The following BLZF1 variants were observed in gnomAD, a reference collection of about 807,000 sequenced individuals.
BLZF1 encodes the protein golgin-45.
BLZF1 carries 39 observed loss-of-function variants against 43.8 expected under a neutral mutation model. The ratio of observed to expected loss-of-function variants is 0.89; its 90% CI spans 0.69 to 1.16. The LOEUF (loss-of-function observed/expected upper bound fraction) is 1.16, where lower values mean the gene tolerates loss of function less well. Ranked by LOEUF, BLZF1 falls within the 50% of genes most tolerant of loss-of-function variation. BLZF1 has a pLI of 0.00. For synonymous variants in BLZF1, 136 were observed against 159.4 expected, an observed-to-expected ratio of 0.85 and a Z score of 1.11; for missense variants, 449 against 469.8, an observed-to-expected ratio of 0.96 and a Z score of 0.41.
chr1:169,382,040 T>C (rs1654541357), intron 5 of BLZF1, 22 bp from the exon 6 acceptor site: 2 of 1,576,788 alleles, frequency 1.3e-6, no homozygotes, highest in Admixed American at 1.8e-5. Flanking sequence ...CTATGTCCGG[T>C]GTTCATGTGT....
intron 2 of BLZF1, 107 bp from the exon 3 acceptor site, chr1:169,376,433 C>A: frequency 2.2e-6 from 2 of 891,622 alleles, no homozygotes; most frequent in Admixed American, 3.7e-5. Flanking sequence ...TTTTTTTTTG[C>A]ATTCTTTTTA....
chr1:169,392,899 C>G (rs991476447), downstream of BLZF1, among the ~76,000 whole-genome samples: 3 of 152,140 alleles, frequency 2.0e-5, no homozygotes, highest in Non-Finnish European at 4.4e-5. Flanking sequence ...TCCTCCATAC[C>G]TTGCCCCACG....
chr1:169,391,439 C>T (rs962391391), downstream of BLZF1, among the ~76,000 whole-genome samples: 8 of 152,186 alleles, frequency 5.3e-5, no homozygotes, highest in Non-Finnish European at 1.2e-4. Context: ...GAATGCAGCA[C>T]CATTCCAGTC....
At chr1:169,391,841 TC>T (rs1351586242), downstream of BLZF1, among the ~76,000 whole-genome samples, 1 of 152,196 alleles carries the variant, frequency 6.6e-6, no homozygotes, top group Non-Finnish European at 1.5e-5. Flanking sequence ...TTTGGGGAGT[TC>T]CTTCAGACCC....
chr1:169,387,214 T>C lies in BLZF1; in HGVS notation c.*32T>C, dbSNP rs1654703264. ...ATATGTTGGAGGCATGCTAAGGTAC[T>C]TCCTTATTACCCAAGAGTCATTATT... On this transcript the variant is annotated 3_prime_UTR_variant, in exon 7 of 7. Transcript: ENST00000367808. 1 of 1,585,612 alleles carries C rather than the reference T, an allele frequency of 6.3e-7. No homozygotes were observed. The highest frequency in any genetic ancestry group is 8.6e-7 in the Non-Finnish European group (1 of 1,163,792).
Position 169,380,497 on chromosome 1 carries a change from T to G in BLZF1, c.685T>G (p.Leu229Val). The change falls in exon 5 of 7, where the codon TTA (leucine) becomes GTA (valine). Residue 229 changes from leucine to valine, a missense_variant. Transcript: ENST00000367808. ...FLASRVMADE[L>V]TNSRAALQRQ... ...CTTTTTCAGGGTAATGGCAGATGAG[T>G]TAACCAACTCAAGAGCAGCTTTACA... 1 of 1,611,982 alleles carries G rather than the reference T, an allele frequency of 6.2e-7. No homozygotes were observed. Among genetic ancestry groups the G allele is most frequent in the Non-Finnish European group, 8.5e-7 (1 of 1,178,524 alleles).
intron 2 of BLZF1, among the ~76,000 whole-genome samples, chr1:169,374,560 A>T (rs995801893): frequency 6.6e-6 from 1 of 152,192 alleles, no homozygotes; most frequent in African/African-American, 2.4e-5. Flanking sequence ...ATGTTTTGTA[A>T]AATAGAACAC....
chr1:169,385,452 T>G (rs1256126049), intron 6 of BLZF1, among the ~76,000 whole-genome samples: 1 of 152,192 alleles, frequency 6.6e-6, no homozygotes, highest in East Asian at 1.9e-4. Context: ...TCCTTCCCCA[T>G]CACTTTCAGG....
chr1:169,390,365 AAAAC>A (rs1654788583), downstream of BLZF1, among the ~76,000 whole-genome samples: 1 of 152,186 alleles, frequency 6.6e-6, no homozygotes. Flanking sequence ...AGAGAATAGA[AAAAC>A]AAGAGAGATC....
At chr1:169,392,178 G>A (rs532448531), downstream of BLZF1, among the ~76,000 whole-genome samples, 3 of 152,268 alleles carry the variant, frequency 2.0e-5, no homozygotes, top group South Asian at 6.2e-4. Context: ...ACCCAAAGCA[G>A]TCTACAGATT....
At chr1:169,394,431 A>C (rs1654903259) in intron 7 of BLZF1, among the ~76,000 whole-genome samples, 1 of 152,146 alleles carries the variant, frequency 6.6e-6, no homozygotes, top group Non-Finnish European at 1.5e-5. Flanking sequence ...TCACCCAGGT[A>C]AAGAACATAG....
chr1:169,387,947 A>C lies in BLZF1; in HGVS notation c.*765A>C, dbSNP rs1460008020. 1 of 152,216 alleles carries C rather than the reference A, an allele frequency of 6.6e-6. No individual in the cohort carries two copies. The highest frequency in any genetic ancestry group is 1.5e-5 in the Non-Finnish European group (1 of 68,026). The allele number at this position is 152,216 out of a possible 1,614,324, so 9.4% of individuals were successfully genotyped here. A position where few individuals can be genotyped will look rare whatever the true frequency, so the allele number is the denominator to read the frequency against. On this transcript the variant is annotated 3_prime_UTR_variant, in exon 7 of 7. Coordinates refer to ENST00000367808, the MANE Select transcript of BLZF1 (RefSeq NM_001320973.2). The stretch of plus-strand genomic sequence containing the variant: ...AACAGATTCTTAACTATTGACTCTT[A>C]TTTAGCAAATGCAACAGACAAGAAT...
In BLZF1 at chr1:169,378,547, T is replaced by C. The variant is rs1654436091; in HGVS notation, c.668+18T>C. On this transcript the variant is annotated intron_variant, in intron 4 of 6. Transcript: ENST00000367808. Reference sequence around the variant, plus strand: ...GCAAGCAGGTATTTTCTACAGCAAATAGTATTTCACTTCCTAGTTTTTGCT... The same window carrying C: ...GCAAGCAGGTATTTTCTACAGCAAACAGTATTTCACTTCCTAGTTTTTGCT... 6.2e-7 allele frequency: 1 copy of C among 1,607,682 alleles called. No homozygotes were observed. Among genetic ancestry groups the C allele is most frequent in the African/African-American group, 1.3e-5 (1 of 74,822 alleles).
Position 169,376,618 on chromosome 1 carries a change from C to A in BLZF1, c.107C>A (p.Thr36Asn). The change falls in exon 3 of 7, where the codon ACC becomes AAC. Residue 36 changes from threonine (T) to asparagine (N), a missense_variant. Thr to Asn is a moderately conservative substitution (Grantham distance 65). Transcript: ENST00000367808. ...GAACCACCTAAATCTGTTGAAGTTA[C>A]CTCCGGAGTCCAATCTAGAAAGCAT... is the stretch of plus-strand genomic sequence containing the variant. ...TEEPPKSVEV[T>N]SGVQSRKHHS... 1 of 1,613,064 alleles carries A rather than the reference C, an allele frequency of 6.2e-7. No individual in the cohort carries two copies. Among genetic ancestry groups the A allele is most frequent in the Non-Finnish European group, 8.5e-7 (1 of 1,179,484 alleles).
At position 169,376,656 on chromosome 1, in the gene BLZF1, A is replaced by C. The variant is rs145703017; in HGVS notation, c.145A>C (p.Ser49Arg). The change falls in exon 3 of 7, where the codon AGT becomes CGT. Residue 49 changes from serine to arginine, a missense_variant. By Grantham distance (110) the Ser-to-Arg change is moderately radical. Coordinates refer to ENST00000367808, the MANE Select transcript of BLZF1 (RefSeq NM_001320973.2). Reference sequence around the variant, plus strand: ...ATCTAGAAAGCATCATAGTCTTCAGAGTCCATGGAAGAAAGCAGTTCCATC... The same window carrying C: ...ATCTAGAAAGCATCATAGTCTTCAGCGTCCATGGAAGAAAGCAGTTCCATC... ...VQSRKHHSLQ[S>R]PWKKAVPSES... 1,002 of 1,613,392 alleles carry C rather than the reference A, an allele frequency of 6.2e-4. 1 individual carries two copies. The highest frequency in any genetic ancestry group is 8.0e-4 in the Non-Finnish European group (940 of 1,179,580).
downstream of BLZF1, among the ~76,000 whole-genome samples, chr1:169,391,196 G>C (rs1654804911): frequency 6.6e-6 from 1 of 152,212 alleles, no homozygotes; most frequent in Non-Finnish European, 1.5e-5. Context: ...TCCCGTGGCA[G>C]TGCCAGACAA....
At chr1:169,394,361 T>G (rs999688515) in intron 7 of BLZF1, among the ~76,000 whole-genome samples, 2 of 152,176 alleles carry the variant, frequency 1.3e-5, no homozygotes, top group African/African-American at 4.8e-5. Context: ...GGGATACATA[T>G]GTGCGTTAGT....
chr1:169,379,642 T>G (rs1654464431), intron 4 of BLZF1, among the ~76,000 whole-genome samples: 1 of 152,028 alleles, frequency 6.6e-6, no homozygotes, highest in South Asian at 2.1e-4. Flanking sequence ...GTCAACATTG[T>G]TTTCATTTTG....
intron 1 of BLZF1, among the ~76,000 whole-genome samples, chr1:169,368,544 C>G (rs1048145778): frequency 6.6e-6 from 1 of 152,184 alleles, no homozygotes; most frequent in African/African-American, 2.4e-5. Context: ...GCTTTCATAC[C>G]TGCTCACTCC....
Sources: gnomAD v4.1 joint callset for allele counts (sites outside exome capture counted in the v4.1 genomes callset) on GRCh38, gnomAD v4.1.1 for gene constraint, MANE v1.5 for transcripts, NCBI Gene and HGNC (gene_info 2026-07-23, HGNC 2026-07-21) for gene names.